The following NCKAP5 variants were observed in gnomAD, a reference collection of about 807,000 sequenced individuals.
NCKAP5 encodes the protein NCK associated protein 5.
NCKAP5 carries 92 observed loss-of-function variants against 167.0 expected under a neutral mutation model. The ratio of observed to expected loss-of-function variants is 0.55; its 90% CI spans 0.47 to 0.66. The LOEUF (loss-of-function observed/expected upper bound fraction) is 0.66. NCKAP5 is among the 30% of genes least tolerant of loss of function. NCKAP5 has a pLI of 0.00. For missense variants in NCKAP5, 2,378 were observed against 2,315.0 expected (o/e 1.03, Z -0.56); for synonymous variants, 891 against 877.4 (o/e 1.02, Z -0.27).
intron 5 of NCKAP5, among the ~76,000 whole-genome samples, chr2:133,203,552 A>G (rs2085803445): frequency 6.6e-6 from 1 of 152,188 alleles, no homozygotes; most frequent in African/African-American, 2.4e-5. Context: ...TTAAAAAAAA[A>G]GAAAGTTGTC....
intron 3 of NCKAP5, among the ~76,000 whole-genome samples, chr2:133,485,811 A>C (rs1680857155): frequency 6.6e-6 from 1 of 152,110 alleles, no homozygotes; most frequent in Non-Finnish European, 1.5e-5. Context: ...TCCAGTATTA[A>C]TCAACTCTAC....
At chr2:133,134,456 C>T (rs2082715499) in intron 5 of NCKAP5, among the ~76,000 whole-genome samples, 1 of 152,144 alleles carries the variant, frequency 6.6e-6, no homozygotes, top group African/African-American at 2.4e-5. Context: ...GTGGTTTTCA[C>T]TGTGTGGTTT....
rs551882014 is a variant in NCKAP5, at chr2:132,879,956, T to C, written c.580-1040A>G. ...ATTATGGTATGTATACACAATGAAATACTATTTGGCCATAAAAAAGAATGA... is the reference window on the plus strand; with the variant it reads ...ATTATGGTATGTATACACAATGAAACACTATTTGGCCATAAAAAAGAATGA... On this transcript the variant is annotated intron_variant, in intron 8 of 19. Coordinates refer to ENST00000409261, the MANE Select transcript of NCKAP5 (RefSeq NM_207363.3). Among the ~76,000 whole-genome samples, 45 of 152,306 alleles carry C rather than the reference T, an allele frequency of 3.0e-4. No homozygotes were observed. The South Asian group carries it at 8.9e-3, about 30-fold the overall frequency.
intron 6 of NCKAP5, among the ~76,000 whole-genome samples, chr2:133,114,775 G>A (rs1251259422): frequency 6.6e-6 from 1 of 152,020 alleles, no homozygotes; most frequent in Non-Finnish European, 1.5e-5. Context: ...TAGTCTTATA[G>A]TGTTTCCTAT....
the NCKAP5 span, among the ~76,000 whole-genome samples, chr2:133,660,905 AC>A: frequency 6.6e-6 from 1 of 151,226 alleles, no homozygotes; most frequent in Non-Finnish European, 1.5e-5. Flanking sequence ...AGTGTAGAAA[AC>A]CTGAATGATT....
Position 132,785,212 on chromosome 2 carries a change from C to G in NCKAP5, c.1599G>C (p.Arg533Ser), listed in dbSNP as rs373241699. Reference sequence around the variant, plus strand: ...TGGCGCAACTTGTCAGCTTTTCAGGCCTTTCCTTGGGATAAACTGAGGATG... The same window carrying G: ...TGGCGCAACTTGTCAGCTTTTCAGGGCTTTCCTTGGGATAAACTGAGGATG... ...EGTSSVYPKERPEKLTSCASS... is the reference protein window; with the variant it reads ...EGTSSVYPKESPEKLTSCASS... Residue 533 changes from arginine to serine, a missense_variant, in exon 14 of 20, where the codon AGG becomes AGC. This residue lies in a region of NCKAP5 where 1,049 missense variants were observed against 1,023.4 expected (regional missense o/e 1.02). Coordinates refer to ENST00000409261, the MANE Select transcript of NCKAP5 (RefSeq NM_207363.3). The G allele has an allele frequency of 1.1e-5, 18 of 1,572,724 alleles. No homozygotes were observed. The African/African-American group carries it at 1.6e-4, about 14-fold the overall frequency.
chr2:133,384,444 G>GT (rs1483484317), intron 3 of NCKAP5, among the ~76,000 whole-genome samples: 9 of 152,042 alleles, frequency 5.9e-5, no homozygotes, highest in Non-Finnish European at 1.2e-4. Flanking sequence ...GTGCCATGCT[G>GT]TTTGGTTACT....
At chr2:132,794,325 GAGAA>G (rs1684394919) in intron 12 of NCKAP5, among the ~76,000 whole-genome samples, 1 of 143,784 alleles carries the variant, frequency 7.0e-6, no homozygotes, top group African/African-American at 2.5e-5. Flanking sequence ...GGAAGAGAGA[GAGAA>G]AGAGAGAGAG....
At chr2:133,502,697 C>T (rs528055513) in intron 3 of NCKAP5, among the ~76,000 whole-genome samples, 2 of 152,342 alleles carry the variant, frequency 1.3e-5, no homozygotes, top group South Asian at 4.1e-4. Flanking sequence ...CCCACAGGGG[C>T]ACACACCACA....
intron 3 of NCKAP5, among the ~76,000 whole-genome samples, chr2:133,383,274 T>C (rs1686662077): frequency 1.3e-5 from 2 of 152,164 alleles, no homozygotes; most frequent in Admixed American, 1.3e-4. Context: ...ATCCAAGTGT[T>C]CTCATTGTTC....
At chr2:133,459,932 T>C (rs1692098223) in intron 3 of NCKAP5, among the ~76,000 whole-genome samples, 1 of 152,210 alleles carries the variant, frequency 6.6e-6, no homozygotes, top group African/African-American at 2.4e-5. Context: ...CAGTGTTATG[T>C]CTGTTTGATA....
chr2:133,389,646 C>T (rs1364117085), intron 3 of NCKAP5, among the ~76,000 whole-genome samples: 1 of 152,228 alleles, frequency 6.6e-6, no homozygotes, highest in African/African-American at 2.4e-5. Flanking sequence ...CTATTTCTAA[C>T]TTGGGCCACA....
chr2:132,725,662 C>T lies in NCKAP5; in HGVS notation c.5678G>A (p.Gly1893Glu), dbSNP rs1301367769. Residue 1893 changes from glycine (G) to glutamate (E), a missense_variant, in exon 19 of 20, where the codon GGA (glycine) becomes GAA (glutamate). Gly to Glu is a moderately conservative substitution (Grantham distance 98, BLOSUM62 -2). Transcript: ENST00000409261. ...YGDNGFGAGR[G>E]QLVKALKSAA... is the part of the protein sequence containing the mutation. ...GCTCTTCAGTGCTTTCACTAACTGT[C>T]CCCTTCCAGCTCCAAAACCATTATC... The T allele has an allele frequency of 1.2e-6, 2 of 1,612,334 alleles. No homozygotes were observed. Among genetic ancestry groups the T allele is most frequent in the Non-Finnish European group, 1.7e-6 (2 of 1,179,268 alleles).
At chr2:133,332,282 C>A (rs1051040147) in intron 3 of NCKAP5, among the ~76,000 whole-genome samples, 1 of 152,200 alleles carries the variant, frequency 6.6e-6, no homozygotes, top group East Asian at 1.9e-4. Context: ...CATCAATGTA[C>A]CAAATGAAAG....
chr2:132,713,131 T>C (rs1291910126), intron 19 of NCKAP5, among the ~76,000 whole-genome samples: 1 of 150,188 alleles, frequency 6.7e-6, no homozygotes, highest in African/African-American at 2.5e-5. Flanking sequence ...CTTTGTTCAA[T>C]GAAAGACTGG....
intron 11 of NCKAP5, among the ~76,000 whole-genome samples, chr2:132,830,675 C>T (rs1687458647): frequency 6.6e-6 from 1 of 152,166 alleles, no homozygotes; most frequent in African/African-American, 2.4e-5. Context: ...TGCTTTCTCT[C>T]ACTGGGAGTG....
intron 4 of NCKAP5, among the ~76,000 whole-genome samples, chr2:133,260,645 G>C (rs918461687): frequency 2.0e-5 from 3 of 152,150 alleles, no homozygotes; most frequent in Non-Finnish European, 4.4e-5. Flanking sequence ...ACAGTGGAGC[G>C]AGTGACAGCT....
At chr2:133,631,856 C>T in the NCKAP5 span, among the ~76,000 whole-genome samples, 1 of 152,120 alleles carries the variant, frequency 6.6e-6, no homozygotes, top group African/African-American at 2.4e-5. Flanking sequence ...GAGGGCAACT[C>T]TTGGGCTTTA....
intron 12 of NCKAP5, among the ~76,000 whole-genome samples, chr2:132,791,916 T>C (rs1404924822): frequency 5.9e-5 from 9 of 152,226 alleles, no homozygotes; most frequent in Admixed American, 4.6e-4. Flanking sequence ...TGCCCACTCA[T>C]GTCCATGTGT....
Sources: allele counts gnomAD v4.1 joint callset (sites outside exome capture counted in the v4.1 genomes callset), GRCh38; gene constraint gnomAD v4.1.1; regional missense constraint gnomAD v4.1.1; transcripts MANE v1.5; gene names NCBI Gene and HGNC (gene_info 2026-07-23, HGNC 2026-07-21).